The following BAZ2B variants were observed in gnomAD, a reference collection of about 807,000 sequenced individuals.
The protein encoded by BAZ2B is bromodomain adjacent to zinc finger domain 2B, also known as bromodomain adjacent to zinc finger domain protein 2B.
A neutral mutation model predicts 246.0 loss-of-function variants in BAZ2B; 91 were observed. That is an observed-to-expected ratio of 0.37 (90% CI 0.31 to 0.44). BAZ2B has a LOEUF of 0.44. Among genes scored for constraint, BAZ2B ranks in the 20% least tolerant of loss-of-function variants. The pLI is 1.00. For synonymous variants in BAZ2B, 855 were observed against 860.0 expected, an observed-to-expected ratio of 0.99 and a Z score of 0.10; for missense variants, 2,332 against 2,533.7, an observed-to-expected ratio of 0.92 and a Z score of 1.71.
chr2:159,521,193 T>C (rs2084088509), intron 2 of BAZ2B, among the ~76,000 whole-genome samples: 1 of 152,052 alleles, frequency 6.6e-6, no homozygotes, highest in African/African-American at 2.4e-5. Context: ...ATTCATTCTG[T>C]TCATTAAAAA....
chr2:159,353,392 G>A (rs1173445991), intron 27 of BAZ2B, among the ~76,000 whole-genome samples: 1 of 152,228 alleles, frequency 6.6e-6, no homozygotes, highest in African/African-American at 2.4e-5. Context: ...AGTGAGTCTT[G>A]TGATTGCCCC....
At chr2:159,649,548 C>A in the BAZ2B span, among the ~76,000 whole-genome samples, 1 of 152,146 alleles carries the variant, frequency 6.6e-6, no homozygotes, top group Non-Finnish European at 1.5e-5. Context: ...AGGTCACAGA[C>A]CACAACTGGT....
intron 1 of BAZ2B, among the ~76,000 whole-genome samples, chr2:159,591,432 A>G (rs1000802123): frequency 2.0e-5 from 3 of 152,172 alleles, no homozygotes; most frequent in African/African-American, 7.2e-5. Context: ...TTCTGTTTCT[A>G]TGGCAACAAA....
rs1216734079 is a variant in BAZ2B, at chr2:159,448,417, CCAAA to C, written c.335-12_335-9del. The C allele has an allele frequency of 3.3e-6, 5 of 1,532,570 alleles. No homozygotes were observed. The highest frequency in any genetic ancestry group is 4.4e-6 in the Non-Finnish European group (5 of 1,145,612). 94.9% of individuals were successfully genotyped at this position (1,532,570 alleles called of 1,614,324 possible). ...TTCGCCACCATTCTGCACCTCAAAACCAAACAAACCAACCAAACAAAAATATATA... is the reference window on the plus strand; with the variant it reads ...TTCGCCACCATTCTGCACCTCAAAACCAAACCAACCAAACAAAAATATATA... On this transcript the variant is annotated splice_polypyrimidine_tract_variant and intron_variant, in intron 4 of 36. Coordinates refer to ENST00000392783, the MANE Select transcript of BAZ2B (RefSeq NM_013450.4).
At chr2:159,415,808 A>C (rs1054841833) in intron 13 of BAZ2B, among the ~76,000 whole-genome samples, 1 of 152,204 alleles carries the variant, frequency 6.6e-6, no homozygotes, top group African/African-American at 2.4e-5. Flanking sequence ...TGGGTACTAA[A>C]TTGTACGTGA....
At chr2:159,392,422 C>T (rs1444484254) in intron 20 of BAZ2B, among the ~76,000 whole-genome samples, 1 of 151,902 alleles carries the variant, frequency 6.6e-6, no homozygotes, top group Non-Finnish European at 1.5e-5. Context: ...TTCCATATAA[C>T]TTATTATAGC....
At position 159,453,660 on chromosome 2, in the gene BAZ2B, C is replaced by T; in HGVS notation, c.287G>A (p.Gly96Asp). 1 of 1,613,242 alleles carries T rather than the reference C, an allele frequency of 6.2e-7. No individual in the cohort carries two copies. The highest frequency in any genetic ancestry group is 8.5e-7 in the Non-Finnish European group (1 of 1,179,608). Reference protein sequence around the residue: ...HSEFGGLGTLGTPTALAAHPQ... With the variant: ...HSEFGGLGTLDTPTALAAHPQ... ...ATGTGCGGCTAAGGCTGTGGGTGTA[C>T]CAAGTGTCCCCAAACCACCAAATTC... The change falls in exon 4 of 37, where the codon GGT (glycine) becomes GAT (aspartate). Residue 96 changes from glycine (G) to aspartate (D), a missense_variant. By Grantham distance (94) the Gly-to-Asp change is moderately conservative. Around this residue, in one of 9 missense-constraint regions of BAZ2B, gnomAD observed 242 missense variants for 237.4 expected, o/e 1.02. Transcript: ENST00000392783.
In BAZ2B at chr2:159,395,828, C is replaced by T; in HGVS notation, c.3016G>A (p.Glu1006Lys). Residue 1006 changes from glutamate to lysine, a missense_variant, in exon 20 of 37, where the codon GAG (glutamate) becomes AAG (lysine). By Grantham distance (56) the Glu-to-Lys change is moderately conservative (BLOSUM62 1). Transcript: ENST00000392783. ...AGCATCATGTGTTGTCGCCTTCGCT[C>T]TCGTTCCTATTAGGCCAGATAAAAT... ...QAVLLKHQER[E>K]RRRQHMMLMK... 1 of 1,610,680 alleles carries T rather than the reference C, an allele frequency of 6.2e-7. No individual in the cohort carries two copies. Among genetic ancestry groups the T allele is most frequent in the Non-Finnish European group, 8.5e-7 (1 of 1,178,220 alleles).
the BAZ2B span, among the ~76,000 whole-genome samples, chr2:159,709,736 AG>A: frequency 6.6e-6 from 1 of 152,224 alleles, no homozygotes; most frequent in Non-Finnish European, 1.5e-5. Flanking sequence ...TGAATAAAAG[AG>A]GGGAAAACAA....
chr2:159,522,039 T>C (rs1443773415), intron 2 of BAZ2B, among the ~76,000 whole-genome samples: 1 of 152,032 alleles, frequency 6.6e-6, no homozygotes. Flanking sequence ...ATCATTAAAA[T>C]GAAAATTATT....
At chr2:159,341,643 T>A (rs1033076808) in intron 31 of BAZ2B, among the ~76,000 whole-genome samples, 3 of 152,168 alleles carry the variant, frequency 2.0e-5, no homozygotes, top group Non-Finnish European at 2.9e-5. Flanking sequence ...CAAAAAATTT[T>A]AAAAATTTGA....
the BAZ2B span, among the ~76,000 whole-genome samples, chr2:159,653,642 G>A: frequency 1.3e-5 from 2 of 152,092 alleles, no homozygotes; most frequent in Non-Finnish European, 2.9e-5. Context: ...TATATGATAC[G>A]TGATGTAATT....
chr2:159,450,233 G>A (rs1200588041), intron 4 of BAZ2B, among the ~76,000 whole-genome samples: 3 of 152,082 alleles, frequency 2.0e-5, no homozygotes, highest in South Asian at 2.1e-4. Context: ...GCACATAGCT[G>A]GTGTGGTGGT....
At chr2:159,648,885 A>G in the BAZ2B span, among the ~76,000 whole-genome samples, 43 of 152,160 alleles carry the variant, frequency 2.8e-4, no homozygotes, top group African/African-American at 9.9e-4. Context: ...TTTTTTTAAA[A>G]AACTGCCAAA....
chr2:159,337,939 T>A (rs563228733), intron 31 of BAZ2B, among the ~76,000 whole-genome samples, 167 bp from the exon 32 acceptor site: 5 of 152,208 alleles, frequency 3.3e-5, no homozygotes, highest in African/African-American at 9.6e-5. Context: ...AAGAAAAAAA[T>A]TAAAAGAAAT....
At chr2:159,695,782 TCTCA>T in the BAZ2B span, among the ~76,000 whole-genome samples, 1 of 152,122 alleles carries the variant, frequency 6.6e-6, no homozygotes, top group African/African-American at 2.4e-5. Flanking sequence ...TGAGATGCAG[TCTCA>T]CTCTGTCGCC....
intron 1 of BAZ2B, among the ~76,000 whole-genome samples, chr2:159,558,115 T>C (rs2089423409): frequency 6.6e-6 from 1 of 152,136 alleles, no homozygotes; most frequent in South Asian, 2.1e-4. Context: ...AAAGATTACT[T>C]CAAAGATTCT....
chr2:159,550,134 G>A (rs1252968346), intron 2 of BAZ2B, among the ~76,000 whole-genome samples: 2 of 152,096 alleles, frequency 1.3e-5, no homozygotes, highest in African/African-American at 2.4e-5. Context: ...GTGAGCCACC[G>A]CATCCGGCCA....
At chr2:159,689,361 T>C in the BAZ2B span, 1 of 276,944 alleles carries the variant, frequency 3.6e-6, no homozygotes, top group Non-Finnish European at 6.5e-6. Flanking sequence ...TTCTTCAGCA[T>C]TTTTACTTTC....
Sources: gnomAD v4.1 joint callset for allele counts (sites outside exome capture counted in the v4.1 genomes callset) on GRCh38, gnomAD v4.1.1 for gene constraint, gnomAD v4.1.1 regional missense constraint, MANE v1.5 for transcripts, NCBI Gene and HGNC (gene_info 2026-07-23, HGNC 2026-07-21) for gene names.